DOCK11: variants seen among roughly 807,000 people sequenced by gnomAD.
DOCK11 encodes the protein dedicator of cytokinesis 11, also known as dedicator of cytokinesis protein 11.
DOCK11 carries 70 observed loss-of-function variants against 169.1 expected under a neutral mutation model. That is an observed-to-expected ratio of 0.41 (90% confidence interval 0.34 to 0.51). The LOEUF (loss-of-function observed/expected upper bound fraction) is 0.51, where lower values mean the gene tolerates loss of function less well. Ranked by LOEUF, DOCK11 falls within the 20% of genes least tolerant of loss-of-function variation. The probability of loss-of-function intolerance (pLI) is 0.10; values close to 1 mark genes in which losing one functional copy is unlikely to be tolerated. For synonymous variants in DOCK11, 529 were observed against 541.3 expected (o/e 0.98, Z 0.32); for missense variants, 1,166 against 1,538.8 (o/e 0.76, Z 4.05).
At chrX:118,603,486 A>G (rs2147448407) in intron 23 of DOCK11, among the ~76,000 whole-genome samples, 1 of 111,910 alleles carries the variant, frequency 8.9e-6, no homozygotes, top group African/African-American at 3.2e-5. Flanking sequence ...ACCTGGCACT[A>G]TTCTATTTAT....
At chrX:118,597,598 A>G in intron 21 of DOCK11, 46 bp downstream of exon 21, 1 of 1,197,481 alleles carries the variant, frequency 8.4e-7, no homozygotes, top group Non-Finnish European at 1.1e-6. Context: ...TTAAATGTGC[A>G]AAAAATAGAA....
chrX:118,606,195 G>A (rs1026127254), intron 24 of DOCK11, among the ~76,000 whole-genome samples: 1 of 102,909 alleles, frequency 9.7e-6, no homozygotes, highest in African/African-American at 3.6e-5. Context: ...TCAGCTTCCC[G>A]AGTAGCTGGG....
rs947824706 is a variant in DOCK11 at position 118,596,839 on chromosome X, T to A, written c.2264-592T>A. ...TACCTACACCTACACCTCTTCCTTCTGTAATCAGGACAAGTCTGCCTAACT... is the reference window on the plus strand; with the variant it reads ...TACCTACACCTACACCTCTTCCTTCAGTAATCAGGACAAGTCTGCCTAACT... On this transcript the variant is annotated intron_variant, in intron 20 of 52. Transcript: ENST00000276202. 5.3e-5 allele frequency among the ~76,000 whole-genome samples: 6 copies of A among 112,265 alleles called. No individual in the cohort carries two copies. The Admixed American group carries it at 5.7e-4, about 11-fold the overall frequency.
At chrX:118,505,209 T>C (rs2057602995) in intron 1 of DOCK11, among the ~76,000 whole-genome samples, 1 of 111,588 alleles carries the variant, frequency 9.0e-6, no homozygotes, top group Non-Finnish European at 1.9e-5. Context: ...GTTTTTAGTA[T>C]AGAGACAGGG....
chrX:118,528,371 C>T (rs765566113), intron 1 of DOCK11, among the ~76,000 whole-genome samples: 5 of 111,937 alleles, frequency 4.5e-5, no homozygotes, highest in East Asian at 5.6e-4. Flanking sequence ...TGGGGAGTGG[C>T]GGCGGATGGC....
Position 118,630,402 on chromosome X carries a change from T to C in DOCK11, c.3798T>C (p.Ser1266=). The C allele has an allele frequency of 8.3e-7, 1 of 1,203,562 alleles. No individual in the cohort carries two copies. The highest frequency in any genetic ancestry group is 1.1e-6 in the Non-Finnish European group (1 of 890,036). ...AGACCCGACAGAGTTCTACAAGGAG[T>C]AGTGTATCCCAGTATAACCGCCTGG... ...GENTRQSSTR[S]SVSQYNRLDQ... is the part of the protein sequence containing the mutation. The change falls in exon 35 of 53, where the codon AGT becomes AGC. Residue 1266 remains serine (S), a synonymous_variant. Coordinates refer to ENST00000276202, the MANE Select transcript of DOCK11 (RefSeq NM_144658.4).
intron 31 of DOCK11, among the ~76,000 whole-genome samples, chrX:118,621,801 T>C (rs1444966508): frequency 2.7e-5 from 3 of 111,094 alleles, no homozygotes; most frequent in Admixed American, 1.9e-4. Context: ...GCCTGGCTAA[T>C]TTTTTGTATT....
At chrX:118,540,490 G>C (rs1374455534) in intron 1 of DOCK11, among the ~76,000 whole-genome samples, 1 of 111,530 alleles carries the variant, frequency 9.0e-6, no homozygotes, top group Non-Finnish European at 1.9e-5. Flanking sequence ...AACTCATTTT[G>C]CAGTAGTATT....
chrX:118,580,312 T>A (rs1047033011), intron 14 of DOCK11, 133 bp downstream of exon 14: 50 of 482,820 alleles, frequency 1.0e-4, no homozygotes, highest in Non-Finnish European at 1.6e-4. Flanking sequence ...ATGTAATAAT[T>A]ATTATTTTTG....
In DOCK11 at chrX:118,549,995, C is replaced by A. The variant is rs185086703; in HGVS notation, c.558+3879C>A. Among the ~76,000 whole-genome samples, 214 of 111,984 alleles carry A rather than the reference C, an allele frequency of 1.9e-3. 1 individual carries two copies. The highest frequency in any genetic ancestry group is 6.5e-3 in the African/African-American group (200 of 30,916). On this transcript the variant is annotated intron_variant, in intron 6 of 52. Transcript: ENST00000276202. Reference sequence around the variant, plus strand: ...TTTTCCATTATAAATTATGAATCTCCATTTTGAATTTCAAACTCTTCTGAT... The same window carrying A: ...TTTTCCATTATAAATTATGAATCTCAATTTTGAATTTCAAACTCTTCTGAT...
chrX:118,499,764 C>G (rs1336147066), intron 1 of DOCK11, among the ~76,000 whole-genome samples: 1 of 111,591 alleles, frequency 9.0e-6, no homozygotes, highest in Non-Finnish European at 1.9e-5. Context: ...ATGAACTGAG[C>G]TGTCAATGAA....
intron 6 of DOCK11, among the ~76,000 whole-genome samples, chrX:118,549,000 C>G (rs1485659293): frequency 9.1e-6 from 1 of 110,329 alleles, no homozygotes; most frequent in Non-Finnish European, 1.9e-5. Flanking sequence ...CCACATAGCC[C>G]ACAGCTGAAG....
intron 16 of DOCK11, 60 bp from the exon 17 acceptor site, chrX:118,588,077 A>G: frequency 1.1e-6 from 1 of 929,513 alleles, no homozygotes; most frequent in Non-Finnish European, 1.4e-6. Flanking sequence ...TTATACATGC[A>G]GGAATGTGTT....
Position 118,660,439 on chromosome X carries a change from G to T in DOCK11, c.4970-2247G>T, listed in dbSNP as rs143136818. Among the ~76,000 whole-genome samples the T allele has an allele frequency of 6.0e-3, 672 of 111,120 alleles. 11 individuals are homozygous for T. Among genetic ancestry groups the T allele is most frequent in the Admixed American group, 0.038 (394 of 10,418 alleles). ...ATGCTTATCTTCAGAAATGAAGCAG[G>T]CTATGTTTTATCTTCAGCGCCTTTT... On this transcript the variant is annotated intron_variant, in intron 44 of 52. Transcript: ENST00000276202.
Position 118,572,863 on chromosome X carries a change from T to C in DOCK11, c.1176+400T>C, listed in dbSNP as rs950213711. Among the ~76,000 whole-genome samples the C allele has an allele frequency of 1.5e-4, 17 of 111,748 alleles. 2 individuals carry two copies. The Admixed American group carries it at 1.5e-3, about 10-fold the overall frequency. ...GCTCTTGATGTTCAAGAGGAGCATGTCTCCCAAACTTGCAAAATCTTCAAA... is the reference window on the plus strand; with the variant it reads ...GCTCTTGATGTTCAAGAGGAGCATGCCTCCCAAACTTGCAAAATCTTCAAA... On this transcript the variant is annotated intron_variant, in intron 11 of 52. Coordinates refer to ENST00000276202, the MANE Select transcript of DOCK11 (RefSeq NM_144658.4).
chrX:118,655,058 C>A, intron 44 of DOCK11, 97 bp downstream of exon 44: 1 of 809,055 alleles, frequency 1.2e-6, no homozygotes, highest in Non-Finnish European at 1.8e-6. Context: ...TAATAGAACA[C>A]TGAAAAATAT....
At chrX:118,602,116 T>TTA (rs1322001254) in intron 23 of DOCK11, among the ~76,000 whole-genome samples, 1 of 101,884 alleles carries the variant, frequency 9.8e-6, no homozygotes, top group Non-Finnish European at 2.0e-5. Flanking sequence ...TTTTTTTTTT[T>TTA]AACAGATGAG....
chrX:118,536,668 T>TA (rs2011764576), intron 1 of DOCK11, among the ~76,000 whole-genome samples: 1 of 111,748 alleles, frequency 8.9e-6, no homozygotes, highest in Non-Finnish European at 1.9e-5. Context: ...GCACAGAAAT[T>TA]ACAATAGTCT....
chrX:118,542,702 C>T (rs776781600), intron 1 of DOCK11, 23 bp from the exon 2 acceptor site: 11 of 1,082,797 alleles, frequency 1.0e-5, no homozygotes, highest in Non-Finnish European at 1.4e-5. Flanking sequence ...ATCATAATAA[C>T]TTTACTTTTG....
Sources: allele counts gnomAD v4.1 joint callset (sites outside exome capture counted in the v4.1 genomes callset), GRCh38; gene constraint gnomAD v4.1.1; transcripts MANE v1.5; gene names NCBI Gene and HGNC (gene_info 2026-07-23, HGNC 2026-07-21).